The following DCDC1 variants were observed in gnomAD, a reference collection of about 807,000 sequenced individuals.
DCDC1 encodes doublecortin domain-containing protein 1.
Under a neutral mutation model 178.3 loss-of-function variants are expected in DCDC1, and 200 were observed. That is an observed-to-expected ratio of 1.12 (90% CI 1.00 to 1.26). DCDC1 has a LOEUF of 1.26. DCDC1 is among the 50% of genes most tolerant of loss of function. The probability of loss-of-function intolerance (pLI) is 0.00; values close to 1 mark genes in which losing one functional copy is unlikely to be tolerated. For missense variants in DCDC1, 1,983 were observed against 1,749.2 expected (o/e 1.13, Z -2.38); for synonymous variants, 690 against 604.8 (o/e 1.14, Z -2.07).
At chr11:31,119,014 C>A (rs1156801248) in intron 11 of DCDC1, among the ~76,000 whole-genome samples, 2 of 152,084 alleles carry the variant, frequency 1.3e-5, no homozygotes, top group Non-Finnish European at 2.9e-5. Flanking sequence ...ATTTTCCCCC[C>A]AAAATCCACA....
chr11:31,136,624 T>C (rs1029322795), intron 10 of DCDC1, among the ~76,000 whole-genome samples: 4 of 152,172 alleles, frequency 2.6e-5, no homozygotes, highest in Admixed American at 2.6e-4. Flanking sequence ...GAAAAGTTTA[T>C]TTTTAAAATA....
At chr11:31,280,854 T>C in intron 7 of DCDC1, 2 of 629,468 alleles carry the variant, frequency 3.2e-6, no homozygotes, top group Non-Finnish European at 6.0e-6. Context: ...GTGAATACAA[T>C]GGCCTGACCT....
intron 8 of DCDC1, among the ~76,000 whole-genome samples, chr11:31,249,062 G>A (rs1444369296): frequency 6.6e-6 from 1 of 152,052 alleles, no homozygotes; most frequent in Non-Finnish European, 1.5e-5. Flanking sequence ...TGAAAAATAA[G>A]AGACATAAAA....
chr11:31,185,747 C>T (rs1591343533), intron 9 of DCDC1, among the ~76,000 whole-genome samples: 1 of 152,304 alleles, frequency 6.6e-6, no homozygotes, highest in African/African-American at 2.4e-5. Flanking sequence ...GCTAGCATTA[C>T]ATACAGACTG....
chr11:31,144,407 G>A (rs2136049297), intron 9 of DCDC1, among the ~76,000 whole-genome samples: 1 of 152,240 alleles, frequency 6.6e-6, no homozygotes, highest in South Asian at 2.1e-4. Flanking sequence ...AAAGGGCTGG[G>A]ATTGCAGGCA....
At chr11:31,249,615 C>G (rs930569019) in intron 8 of DCDC1, among the ~76,000 whole-genome samples, 6 of 152,196 alleles carry the variant, frequency 3.9e-5, no homozygotes, top group Non-Finnish European at 7.3e-5. Flanking sequence ...TGAGCAGCAT[C>G]TTTCCGACAC....
Position 30,892,936 on chromosome 11 carries a change from C to T in DCDC1, c.4964G>A (p.Arg1655His), listed in dbSNP as rs374142291. 56 of 1,613,768 alleles carry T rather than the reference C, an allele frequency of 3.5e-5. 1 individual carries two copies. The highest frequency in any genetic ancestry group is 3.1e-4 in the South Asian group (28 of 91,078). The change falls in exon 36 of 39, where the codon CGT (arginine) becomes CAT (histidine). Residue 1655 changes from arginine (R) to histidine (H), a missense_variant. Physicochemically the swap from Arg to His is conservative, Grantham distance 29 (BLOSUM62 0). Coordinates refer to ENST00000684477, the MANE Select transcript of DCDC1 (RefSeq NM_001387274.1). The stretch of plus-strand genomic sequence containing the variant: ...CAGGTTGCTCGGCTTGACTGCTATA[C>T]GTTTGGTTGCAATTGGAAAATTTAT... ...SKINFPIATK[R>H]IAVKPSNLYK... is the part of the protein sequence containing the mutation.
chr11:31,006,298 C>CTAA (rs1951842664), intron 20 of DCDC1, among the ~76,000 whole-genome samples: 1 of 152,138 alleles, frequency 6.6e-6, no homozygotes, highest in African/African-American at 2.4e-5. Context: ...TTGCTACTTC[C>CTAA]CTTTCCTCCT....
intron 4 of DCDC1, among the ~76,000 whole-genome samples, chr11:31,307,157 G>A (rs763798226): frequency 4.6e-5 from 7 of 152,012 alleles, no homozygotes; most frequent in Non-Finnish European, 7.4e-5. Context: ...TGAAAATAGT[G>A]GGGTATTAGT....
chr11:31,254,405 T>C (rs554602558), intron 8 of DCDC1, among the ~76,000 whole-genome samples: 27 of 152,258 alleles, frequency 1.8e-4, no homozygotes. Context: ...ATGTAACATT[T>C]TGAACAACAA....
chr11:30,903,894 C>A, intron 31 of DCDC1: 1 of 370,438 alleles, frequency 2.7e-6, no homozygotes, highest in Non-Finnish European at 4.7e-6. Flanking sequence ...TCCAATCCAG[C>A]TGTAAATTTC....
chr11:31,153,001 C>A (rs1965333889), intron 9 of DCDC1, among the ~76,000 whole-genome samples: 1 of 152,196 alleles, frequency 6.6e-6, no homozygotes, highest in South Asian at 2.1e-4. Flanking sequence ...TAAGGGAATA[C>A]AGACTCTAAA....
chr11:31,276,089 C>G (rs1945964649), intron 7 of DCDC1, among the ~76,000 whole-genome samples: 1 of 152,202 alleles, frequency 6.6e-6, no homozygotes, highest in Non-Finnish European at 1.5e-5. Context: ...TTCTTCCTTC[C>G]TTTTTGCTTA....
intron 34 of DCDC1, among the ~76,000 whole-genome samples, chr11:30,896,943 G>T (rs559893246): frequency 6.6e-6 from 1 of 152,252 alleles, no homozygotes; most frequent in South Asian, 2.1e-4. Flanking sequence ...ATTACCAATG[G>T]CTATAATATA....
intron 21 of DCDC1, among the ~76,000 whole-genome samples, chr11:30,937,959 C>T (rs1246598019): frequency 6.6e-6 from 1 of 152,084 alleles, no homozygotes; most frequent in Non-Finnish European, 1.5e-5. Flanking sequence ...CTAAACTCTC[C>T]TCCACATCCC....
At chr11:30,889,118 C>A (rs1160791329) in intron 36 of DCDC1, among the ~76,000 whole-genome samples, 1 of 152,124 alleles carries the variant, frequency 6.6e-6, no homozygotes, top group East Asian at 1.9e-4. Context: ...AGAGCTGCTG[C>A]AGGAATGGGA....
At chr11:31,332,372 A>G (rs1213468303) in intron 2 of DCDC1, among the ~76,000 whole-genome samples, 2 of 152,058 alleles carry the variant, frequency 1.3e-5, no homozygotes, top group African/African-American at 2.4e-5. Flanking sequence ...TTGTGTGTCT[A>G]TCTCCTTAAG....
chr11:31,235,833 G>C (rs897747358), intron 9 of DCDC1, among the ~76,000 whole-genome samples: 3 of 151,782 alleles, frequency 2.0e-5, no homozygotes, highest in Non-Finnish European at 4.4e-5. Flanking sequence ...CTTTGGAGAA[G>C]GTTTAACATT....
chr11:31,360,364 T>A (rs776686000), intron 1 of DCDC1, among the ~76,000 whole-genome samples: 7 of 152,174 alleles, frequency 4.6e-5, no homozygotes, highest in Non-Finnish European at 7.3e-5. Flanking sequence ...AGTACAGTAT[T>A]TCTTCCTCTG....
Sources: allele counts gnomAD v4.1 joint callset (sites outside exome capture counted in the v4.1 genomes callset), GRCh38; gene constraint gnomAD v4.1.1; transcripts MANE v1.5; gene names NCBI Gene and HGNC (gene_info 2026-07-23, HGNC 2026-07-21).